Variants in CACNA1E observed in about 807,000 individuals in gnomAD.
CACNA1E encodes voltage-dependent R-type calcium channel subunit alpha-1E.
In CACNA1E, 40 loss-of-function variants were observed where a neutral mutation model predicts 259.2. That is an observed-to-expected ratio of 0.15 (90% CI 0.12 to 0.20). CACNA1E has a LOEUF of 0.20. Ranked by LOEUF, CACNA1E falls within the 10% of genes least tolerant of loss-of-function variation. CACNA1E has a pLI of 1.00. For synonymous variants in CACNA1E, 1,104 were observed against 1,138.5 expected, an observed-to-expected ratio of 0.97 and a Z score of 0.61; for missense variants, 1,874 against 3,040.1, an observed-to-expected ratio of 0.62 and a Z score of 9.02.
intron 33 of CACNA1E, 110 bp downstream of exon 33, chr1:181,762,767 C>G (rs1359196227): frequency 1.5e-6 from 1 of 674,156 alleles, no homozygotes; most frequent in Admixed American, 3.2e-5. Context: ...ATGCGTACCC[C>G]TCTAAGTGTT....
intron 3 of CACNA1E, among the ~76,000 whole-genome samples, chr1:181,567,397 C>T (rs1649952640): frequency 6.6e-6 from 1 of 152,070 alleles, no homozygotes; most frequent in Non-Finnish European, 1.5e-5. Flanking sequence ...CCAGTTTGGC[C>T]ATAAATTAAC....
At chr1:181,757,925 A>G (rs766444700) in intron 30 of CACNA1E, 22 bp from the exon 31 acceptor site, 38 of 1,612,412 alleles carry the variant, frequency 2.4e-5, no homozygotes, top group South Asian at 1.8e-4. Flanking sequence ...AATTTGTGCT[A>G]ATAACCATGA....
intron 36 of CACNA1E, 146 bp from the exon 37 acceptor site, chr1:181,771,920 G>T: frequency 1.5e-6 from 1 of 671,802 alleles, no homozygotes; most frequent in Middle Eastern, 4.2e-4. Context: ...TCTCTGCATG[G>T]AAAGCACTAG....
chr1:181,686,856 G>T (rs1650636077), intron 7 of CACNA1E, among the ~76,000 whole-genome samples: 1 of 152,202 alleles, frequency 6.6e-6, no homozygotes, highest in Non-Finnish European at 1.5e-5. Flanking sequence ...GCTTGTGGGT[G>T]AGGGGCAAAG....
intron 25 of CACNA1E, among the ~76,000 whole-genome samples, chr1:181,741,522 C>A (rs1428391059): frequency 1.3e-5 from 2 of 152,172 alleles, no homozygotes; most frequent in Admixed American, 1.3e-4. Context: ...TAGATGTGTG[C>A]AGGCTGGCCC....
At chr1:181,740,251 A>G (rs1656437037) in intron 25 of CACNA1E, among the ~76,000 whole-genome samples, 1 of 152,192 alleles carries the variant, frequency 6.6e-6, no homozygotes, top group Non-Finnish European at 1.5e-5. Context: ...AGCTTCTGTC[A>G]TTGATGGCAG....
At chr1:181,597,872 G>A (rs1372131060) in intron 6 of CACNA1E, among the ~76,000 whole-genome samples, 1 of 152,160 alleles carries the variant, frequency 6.6e-6, no homozygotes, top group Non-Finnish European at 1.5e-5. Flanking sequence ...TCACTGTCAC[G>A]AGAACAGCCC....
At chr1:181,710,054 C>CTT (rs1653187553) in intron 7 of CACNA1E, among the ~76,000 whole-genome samples, 1 of 152,176 alleles carries the variant, frequency 6.6e-6, no homozygotes, top group African/African-American at 2.4e-5. Context: ...CTTCTCTTCT[C>CTT]TTTCTCCCAT....
intron 6 of CACNA1E, among the ~76,000 whole-genome samples, chr1:181,587,893 G>C (rs1188433749): frequency 1.3e-5 from 2 of 151,818 alleles, no homozygotes; most frequent in Admixed American, 6.6e-5. Context: ...AAGAAAAAAA[G>C]AAAGAAAGAA....
Position 181,619,148 on chromosome 1 carries a change from T to C in CACNA1E, c.952-32190T>C, listed in dbSNP as rs776601558. ...GTAAAAATAAAACAGATAAATCATA[T>C]ACATAGTGCATTAGATGGTGATACA... On this transcript the variant is annotated intron_variant, in intron 6 of 47. Transcript: ENST00000367573. 5.5e-4 allele frequency among the ~76,000 whole-genome samples: 83 copies of C among 152,100 alleles called. No homozygotes were observed. In the Middle Eastern group the frequency reaches 0.01, roughly 19 times the overall value.
chr1:181,336,802 T>A (rs936867236), intron 1 of CACNA1E, among the ~76,000 whole-genome samples: 43 of 152,182 alleles, frequency 2.8e-4, no homozygotes, highest in African/African-American at 9.9e-4. Context: ...GGGTATCTCA[T>A]ATAAGTAACA....
chr1:181,779,401 T>A (rs1331381825), intron 38 of CACNA1E: 6 of 408,358 alleles, frequency 1.5e-5, no homozygotes, highest in Non-Finnish European at 3.0e-5. Context: ...TTTTCTACCC[T>A]TCTCTGAGTG....
chr1:181,569,041 G>A (rs7534818), intron 3 of CACNA1E, among the ~76,000 whole-genome samples: 2,786 of 152,256 alleles, frequency 0.018, 80 homozygotes, highest in African/African-American at 0.06. Flanking sequence ...CTGCATCTGG[G>A]ATGTTCTTCC....
At chr1:181,421,079 A>G (rs949497749) in intron 2 of CACNA1E, among the ~76,000 whole-genome samples, 1 of 152,202 alleles carries the variant, frequency 6.6e-6, no homozygotes, top group Non-Finnish European at 1.5e-5. Context: ...TTACCTGCCC[A>G]GTATCACAGA....
At chr1:181,682,247 A>G (rs1650049050) in intron 7 of CACNA1E, among the ~76,000 whole-genome samples, 1 of 152,214 alleles carries the variant, frequency 6.6e-6, no homozygotes, top group Non-Finnish European at 1.5e-5. Flanking sequence ...TGACTTTGTC[A>G]GATTTTTCTT....
chr1:181,736,551 T>C (rs1248494538), intron 22 of CACNA1E, 117 bp downstream of exon 22: 1 of 917,194 alleles, frequency 1.1e-6, no homozygotes, highest in Admixed American at 2.7e-5. Flanking sequence ...TAAGCCTTCC[T>C]GGTGGAGCAT....
intron 7 of CACNA1E, among the ~76,000 whole-genome samples, chr1:181,654,614 A>G (rs1384657277): frequency 3.9e-5 from 6 of 152,228 alleles, no homozygotes; most frequent in African/African-American, 1.4e-4. Context: ...GATGTATACC[A>G]TGGCACAGTA....
intron 3 of CACNA1E, among the ~76,000 whole-genome samples, chr1:181,545,212 T>C (rs1647317438): frequency 6.6e-6 from 1 of 152,174 alleles, no homozygotes; most frequent in African/African-American, 2.4e-5. Context: ...ACAGGTTGGG[T>C]GGAGCCTTGC....
intron 6 of CACNA1E, among the ~76,000 whole-genome samples, chr1:181,598,123 C>T (rs2103051710): frequency 6.6e-6 from 1 of 152,346 alleles, no homozygotes; most frequent in South Asian, 2.1e-4. Context: ...CCACTACTCC[C>T]TGTTAGAGGA....
Sources: allele counts gnomAD v4.1 joint callset (sites outside exome capture counted in the v4.1 genomes callset), GRCh38; gene constraint gnomAD v4.1.1; transcripts MANE v1.5; gene names NCBI Gene and HGNC (gene_info 2026-07-23, HGNC 2026-07-21).